The following KCTD7 variants were observed in gnomAD, a reference collection of about 807,000 sequenced individuals.
KCTD7 encodes the protein potassium channel tetramerization domain containing 7.
Under a neutral mutation model 27.0 loss-of-function variants are expected in KCTD7, and 15 were observed. That is an observed-to-expected ratio of 0.56 (90% CI 0.37 to 0.86). The LOEUF (loss-of-function observed/expected upper bound fraction) is 0.86, where lower values mean the gene tolerates loss of function less well. KCTD7 is among the 40% of genes least tolerant of loss of function. KCTD7 has a pLI of 0.00. For missense variants in KCTD7, 299 were observed against 398.9 expected (o/e 0.75, Z 2.13); for synonymous variants, 159 against 162.7 (o/e 0.98, Z 0.17).
rs932169084 is a variant in KCTD7 at position 66,639,653 on chromosome 7, G to A, written c.*421G>A. 1.5e-6 allele frequency: 2 copies of A among 1,310,838 alleles called. No homozygotes were observed. Among genetic ancestry groups the A allele is most frequent in the Non-Finnish European group, 1.9e-6 (2 of 1,029,522 alleles). The allele number at this position is 1,310,838 out of a possible 1,614,324, so 81.2% of individuals were successfully genotyped here. A position where few individuals can be genotyped will look rare whatever the true frequency, so the allele number is the denominator to read the frequency against. On this transcript the variant is annotated 3_prime_UTR_variant, in exon 4 of 4. Coordinates refer to ENST00000639828, the MANE Select transcript of KCTD7 (RefSeq NM_153033.5). ...TTCAAGCGTCCCTCCCTTGTGCTCA[G>A]TATATTGGTGTGAACACGGAACATG...
intron 1 of KCTD7, among the ~76,000 whole-genome samples, chr7:66,631,581 A>AG (rs1786443725): frequency 1.3e-5 from 2 of 152,104 alleles, no homozygotes; most frequent in Non-Finnish European, 2.9e-5. Flanking sequence ...AAAAAAAAAA[A>AG]AAAGATGCAT....
intron 1 of KCTD7, among the ~76,000 whole-genome samples, chr7:66,630,053 C>G (rs780533210): frequency 6.6e-6 from 1 of 152,170 alleles, no homozygotes; most frequent in Non-Finnish European, 1.5e-5. Context: ...GGGAGGATTG[C>G]TTGATCCCAG....
In KCTD7 at chr7:66,642,371, T is replaced by G. The variant is rs1356721434; in HGVS notation, c.*3139T>G. ...CTGGGGCTTAGGATATTCTGGGAGC[T>G]GTCTGAGCCTTGTGCCTAAGGCTTA... On this transcript the variant is annotated 3_prime_UTR_variant, in exon 4 of 4. Coordinates refer to ENST00000639828, the MANE Select transcript of KCTD7 (RefSeq NM_153033.5). 2.0e-6 allele frequency: 2 copies of G among 985,298 alleles called. No individual in the cohort carries two copies. Among genetic ancestry groups the G allele is most frequent in the African/African-American group, 3.5e-5 (2 of 57,226 alleles). The allele number at this position is 985,298 out of a possible 1,614,324, so 61.0% of individuals were successfully genotyped here.
At position 66,642,446 on chromosome 7, in the gene KCTD7, A is replaced by G; in HGVS notation, c.*3214A>G. Reference sequence around the variant, plus strand: ...TGGGCTGCTTGCTGGAGGAATAGGAAGTGACATTTATAAGACACAGGCGGT... The same window carrying G: ...TGGGCTGCTTGCTGGAGGAATAGGAGGTGACATTTATAAGACACAGGCGGT... On this transcript the variant is annotated 3_prime_UTR_variant, in exon 4 of 4. Transcript: ENST00000639828. 5 of 985,444 alleles carry G rather than the reference A, an allele frequency of 5.1e-6. No individual in the cohort carries two copies. The South Asian group carries it at 2.3e-4, about 46-fold the overall frequency. 61.0% of individuals were successfully genotyped at this position (985,444 alleles called of 1,614,324 possible).
At chr7:66,633,739 C>T (rs986122577) in intron 2 of KCTD7, among the ~76,000 whole-genome samples, 1 of 151,952 alleles carries the variant, frequency 6.6e-6, no homozygotes. Context: ...GTAATCCCAG[C>T]ACTTTGGGAG....
intron 2 of KCTD7, among the ~76,000 whole-genome samples, chr7:66,636,373 C>T (rs1786587691): frequency 6.6e-6 from 1 of 151,932 alleles, no homozygotes; most frequent in Non-Finnish European, 1.5e-5. Flanking sequence ...GTTCCTGAAC[C>T]TGTCTGGGCC....
In KCTD7 at chr7:66,638,947, G is replaced by A; in HGVS notation, c.585G>A (p.Glu195=). ...FAKLKVCVFK[E]EMPITPYECP... Reference sequence around the variant, plus strand: ...AGCTCAAGGTCTGTGTCTTCAAGGAGGAGATGCCCATCACCCCCTATGAGT... The same window carrying A: ...AGCTCAAGGTCTGTGTCTTCAAGGAAGAGATGCCCATCACCCCCTATGAGT... Residue 195 remains glutamate (E), a synonymous_variant, in exon 4 of 4, where the codon GAG becomes GAA. Transcript: ENST00000639828. 1.2e-6 allele frequency: 2 copies of A among 1,614,236 alleles called. No individual in the cohort carries two copies. The highest frequency in any genetic ancestry group is 1.7e-6 in the Non-Finnish European group (2 of 1,180,044).
In KCTD7 at chr7:66,638,971, G is replaced by C. The variant is rs1162868457; in HGVS notation, c.609G>C (p.Glu203Asp). 1 of 1,614,104 alleles carries C rather than the reference G, an allele frequency of 6.2e-7. No homozygotes were observed. Among genetic ancestry groups the C allele is most frequent in the Non-Finnish European group, 8.5e-7 (1 of 1,180,048 alleles). The change falls in exon 4 of 4, where the codon GAG (glutamate) becomes GAC (aspartate). Residue 203 changes from glutamate to aspartate, a missense_variant. By Grantham distance (45) the Glu-to-Asp change is conservative. Coordinates refer to ENST00000639828, the MANE Select transcript of KCTD7 (RefSeq NM_153033.5). ...AGGAGATGCCCATCACCCCCTATGA[G>C]TGTCCGCTCCTCAACTCCCTGCGAT... is the stretch of plus-strand genomic sequence containing the variant. ...FKEEMPITPYECPLLNSLRFE... is the reference protein window; with the variant it reads ...FKEEMPITPYDCPLLNSLRFE...
Position 66,629,066 on chromosome 7 carries a change from TG to T in KCTD7, c.4del (p.Val2?). MVVVTGREPDS... is the reference protein window; with the variant it reads XVVVTGREPDS... ...CGCCCACTGCCCAGAGCCAGAGGGA[TG>T]GTGGTAGTCACGGGGCGGGAGCCAG... On this transcript the variant is annotated frameshift_variant and start_lost, in exon 1 of 4. Transcript: ENST00000639828. LOFTEE classifies it high-confidence loss of function. 1 of 1,520,638 alleles carries T rather than the reference TG, an allele frequency of 6.6e-7. No individual in the cohort carries two copies. Among genetic ancestry groups the T allele is most frequent in the Middle Eastern group, 1.7e-4 (1 of 5,750 alleles). 94.2% of individuals were successfully genotyped at this position (1,520,638 alleles called of 1,614,324 possible). A position where few individuals can be genotyped will look rare whatever the true frequency, so the allele number is the denominator to read the frequency against.
intron 2 of KCTD7, among the ~76,000 whole-genome samples, chr7:66,636,803 G>A (rs1301950975): frequency 1.3e-5 from 2 of 152,124 alleles, no homozygotes; most frequent in African/African-American, 4.8e-5. Context: ...TCTGAAAAGT[G>A]AATTAGAAGG....
Position 66,640,470 on chromosome 7 carries a change from C to T in KCTD7, c.*1238C>T, listed in dbSNP as rs1010209889. 3.9e-6 allele frequency: 6 copies of T among 1,536,710 alleles called. No homozygotes were observed. Among genetic ancestry groups the T allele is most frequent in the Non-Finnish European group, 5.2e-6 (6 of 1,146,664 alleles). On this transcript the variant is annotated 3_prime_UTR_variant, in exon 4 of 4. Coordinates refer to ENST00000639828, the MANE Select transcript of KCTD7 (RefSeq NM_153033.5). ...CTGTCTACAGCCTAGGCCAACTAGT[C>T]AGGGTCTGGACATGCATCTCCTAAA...
intron 2 of KCTD7, among the ~76,000 whole-genome samples, chr7:66,633,679 A>C (rs1786508566): frequency 6.6e-6 from 1 of 151,780 alleles, no homozygotes; most frequent in African/African-American, 2.4e-5. Flanking sequence ...TGCTTCAATC[A>C]TAGACAATTA....
Position 66,639,936 on chromosome 7 carries a change from C to T in KCTD7, c.*704C>T. The stretch of plus-strand genomic sequence containing the variant: ...GTCTTAGGGCCGCGGCTTCTCTTAT[C>T]TTCCACCACCTTCCTTGCTTGCAGG... On this transcript the variant is annotated 3_prime_UTR_variant, in exon 4 of 4. Coordinates refer to ENST00000639828, the MANE Select transcript of KCTD7 (RefSeq NM_153033.5). 8.0e-7 allele frequency: 1 copy of T among 1,247,060 alleles called. No homozygotes were observed. The highest frequency in any genetic ancestry group is 1.0e-6 in the Non-Finnish European group (1 of 997,522). 77.2% of individuals were successfully genotyped at this position (1,247,060 alleles called of 1,614,324 possible).
Position 66,629,021 on chromosome 7 carries a change from C to T in KCTD7, c.-44C>T, listed in dbSNP as rs35526611. Reference sequence around the variant, plus strand: ...CGGTAGGGAGTGCCCGGGGCCGCCGCCTCCGCCCGCCCGAAGCCGCGCCCA... The same window carrying T: ...CGGTAGGGAGTGCCCGGGGCCGCCGTCTCCGCCCGCCCGAAGCCGCGCCCA... On this transcript the variant is annotated 5_prime_UTR_variant, in exon 1 of 4. Transcript: ENST00000639828. 688,854 of 1,475,286 alleles carry T rather than the reference C, an allele frequency of 0.47. 165,115 individuals are homozygous for T. The highest frequency in any genetic ancestry group is 0.66 in the African/African-American group (45,263 of 68,166). 91.4% of individuals were successfully genotyped at this position (1,475,286 alleles called of 1,614,324 possible).
chr7:66,635,527 G>A (rs572570554), intron 2 of KCTD7, among the ~76,000 whole-genome samples: 8 of 151,140 alleles, frequency 5.3e-5, no homozygotes, highest in African/African-American at 1.5e-4. Context: ...TTCAGAGTAC[G>A]TGGCTGGAAC....
chr7:66,629,809 G>T (rs955520062), intron 1 of KCTD7, among the ~76,000 whole-genome samples: 1 of 152,234 alleles, frequency 6.6e-6, no homozygotes, highest in Non-Finnish European at 1.5e-5. Context: ...AACAAGGCAA[G>T]GAGCTGTCTG....
At chr7:66,633,568 T>A in intron 2 of KCTD7, 124 bp downstream of exon 2, 3 of 938,618 alleles carry the variant, frequency 3.2e-6, no homozygotes, top group Non-Finnish European at 3.3e-6. Context: ...TGAAATTTAA[T>A]AAATGGGTTT....
Position 66,641,114 on chromosome 7 carries a change from A to T in KCTD7, c.*1882A>T. ...GGATACTGAGATCTAAGAGGAAAGG[A>T]TAGTCATTCACGTTCTGAGATATGC... On this transcript the variant is annotated 3_prime_UTR_variant, in exon 4 of 4. Transcript: ENST00000639828. The T allele has an allele frequency of 1.0e-6, 1 of 985,400 alleles. No individual in the cohort carries two copies. The highest frequency in any genetic ancestry group is 1.2e-6 in the Non-Finnish European group (1 of 829,938). The allele number at this position is 985,400 out of a possible 1,614,324, so 61.0% of individuals were successfully genotyped here. A position where few individuals can be genotyped will look rare whatever the true frequency, so the allele number is the denominator to read the frequency against.
intron 2 of KCTD7, 131 bp downstream of exon 2, chr7:66,633,575 G>T: frequency 2.2e-6 from 2 of 892,456 alleles, no homozygotes; most frequent in Non-Finnish European, 3.5e-6. Context: ...TAATAAATGG[G>T]TTTATTGAAA....
Sources: gnomAD v4.1 joint callset for allele counts (sites outside exome capture counted in the v4.1 genomes callset) on GRCh38, gnomAD v4.1.1 for gene constraint, MANE v1.5 for transcripts, NCBI Gene and HGNC (gene_info 2026-07-23, HGNC 2026-07-21) for gene names.